The following NCAM2 variants were observed in gnomAD, a reference collection of about 807,000 sequenced individuals.
NCAM2 encodes neural cell adhesion molecule 2.
NCAM2 carries 30 observed loss-of-function variants against 98.1 expected under a neutral mutation model. The ratio of observed to expected loss-of-function variants is 0.31; its 90% CI spans 0.23 to 0.41. The LOEUF (loss-of-function observed/expected upper bound fraction) is 0.41, where lower values mean the gene tolerates loss of function less well. NCAM2 is among the 10% of genes least tolerant of loss of function. The pLI, the probability that NCAM2 is intolerant of heterozygous loss-of-function variation, is 1.00. For synonymous variants in NCAM2, 368 were observed against 342.4 expected (o/e 1.07, Z -0.83); for missense variants, 867 against 1,005.8 (o/e 0.86, Z 1.87).
At chr21:21,215,301 T>C (rs1353561200) in intron 1 of NCAM2, among the ~76,000 whole-genome samples, 1 of 152,224 alleles carries the variant, frequency 6.6e-6, no homozygotes, top group Non-Finnish European at 1.5e-5. Context: ...AACACAGTCA[T>C]AGAGATGTTC....
At chr21:21,139,292 A>G (rs930527392) in intron 1 of NCAM2, among the ~76,000 whole-genome samples, 1 of 152,256 alleles carries the variant, frequency 6.6e-6, no homozygotes, top group Non-Finnish European at 1.5e-5. Flanking sequence ...CTAAAGCTTC[A>G]GAGGGAATGT....
chr21:21,417,958 A>G (rs2077026767), intron 10 of NCAM2, among the ~76,000 whole-genome samples: 3 of 152,074 alleles, frequency 2.0e-5, no homozygotes, highest in African/African-American at 7.2e-5. Context: ...GGAGAGAAAT[A>G]TCACATATCT....
Position 21,355,815 on chromosome 21 carries a change from G to A in NCAM2, c.1044+17281G>A, listed in dbSNP as rs187703295. Reference sequence around the variant, plus strand: ...ATGTTTAGTAGAGACCAGCATGTTGGCCAGGCTGGTCTTGAACTCCTGACC... The same window carrying A: ...ATGTTTAGTAGAGACCAGCATGTTGACCAGGCTGGTCTTGAACTCCTGACC... On this transcript the variant is annotated intron_variant, in intron 8 of 17. Coordinates refer to ENST00000400546, the MANE Select transcript of NCAM2 (RefSeq NM_004540.5). 4.6e-5 allele frequency among the ~76,000 whole-genome samples: 7 copies of A among 151,850 alleles called. No individual in the cohort carries two copies. The East Asian group carries it at 1.4e-3, about 30-fold the overall frequency.
intron 1 of NCAM2, among the ~76,000 whole-genome samples, chr21:21,214,824 GTATA>G (rs904131226): frequency 2.8e-5 from 4 of 143,516 alleles, no homozygotes; most frequent in Non-Finnish European, 6.1e-5. Flanking sequence ...TCGAATATAT[GTATA>G]TATATGTGTA....
intron 8 of NCAM2, among the ~76,000 whole-genome samples, chr21:21,352,818 T>C (rs2075378137): frequency 7.2e-6 from 1 of 138,670 alleles, no homozygotes; most frequent in African/African-American, 2.6e-5. Flanking sequence ...AAAAAAAGAT[T>C]AGAAAATTAA....
rs142614118 is a variant in NCAM2, at chr21:21,127,850, A to G, written c.55+129232A>G. 2.4e-4 allele frequency among the ~76,000 whole-genome samples: 37 copies of G among 152,192 alleles called. No homozygotes were observed. The East Asian group carries it at 6.8e-3, about 28-fold the overall frequency. On this transcript the variant is annotated intron_variant, in intron 1 of 17. Coordinates refer to ENST00000400546, the MANE Select transcript of NCAM2 (RefSeq NM_004540.5). Reference sequence around the variant, plus strand: ...CGTATATACACAAACTATTTTTTCTATATTTATGTCTCTAAATATATACAT... The same window carrying G: ...CGTATATACACAAACTATTTTTTCTGTATTTATGTCTCTAAATATATACAT...
intron 1 of NCAM2, among the ~76,000 whole-genome samples, chr21:21,218,353 GC>G (rs1427562479): frequency 6.6e-6 from 1 of 152,044 alleles, no homozygotes; most frequent in East Asian, 1.9e-4. Flanking sequence ...CTCTCAGAAA[GC>G]TCTGTTGGTG....
intron 12 of NCAM2, among the ~76,000 whole-genome samples, chr21:21,441,113 G>T (rs1979198354): frequency 6.6e-6 from 1 of 152,264 alleles, no homozygotes; most frequent in East Asian, 1.9e-4. Context: ...AATTCTGGAA[G>T]TGTTTCTGCT....
Position 21,473,312 on chromosome 21 carries a change from A to AT in NCAM2, c.1897-3979_1897-3978insT, listed in dbSNP as rs60150566. Among the ~76,000 whole-genome samples, 45 of 137,408 alleles carry AT rather than the reference A, an allele frequency of 3.3e-4. No individual in the cohort carries two copies. In the South Asian group the frequency reaches 4.0e-3, roughly 12 times the overall value. The allele number at this position is 137,408 out of a possible 152,430, so 90.1% of individuals were successfully genotyped here. On this transcript the variant is annotated intron_variant, in intron 14 of 17. Coordinates refer to ENST00000400546, the MANE Select transcript of NCAM2 (RefSeq NM_004540.5). The stretch of plus-strand genomic sequence containing the variant: ...ATATGGTCTATCTGTATATATATAT[A>AT]AAAATATATGCTTGTGTGTATATAT...
chr21:21,331,517 C>CTCTCTCTATA (rs1483062198), intron 6 of NCAM2, among the ~76,000 whole-genome samples: 1 of 6,938 alleles, frequency 1.4e-4, no homozygotes, highest in Non-Finnish European at 2.6e-4. Flanking sequence ...CTCTCTCTCT[C>CTCTCTCTATA]TATATATATA....
intron 1 of NCAM2, among the ~76,000 whole-genome samples, chr21:21,234,519 G>C (rs558574762): frequency 1.3e-5 from 2 of 152,026 alleles, no homozygotes; most frequent in Admixed American, 6.6e-5. Context: ...TTAAGAGAGT[G>C]TTGAAGTATC....
At chr21:21,033,567 C>T (rs1206246017) in intron 1 of NCAM2, among the ~76,000 whole-genome samples, 2 of 151,906 alleles carry the variant, frequency 1.3e-5, no homozygotes, top group Non-Finnish European at 2.9e-5. Flanking sequence ...ATGACCTCCC[C>T]CCCAAAACAA....
In NCAM2 at chr21:21,384,264, T is replaced by C. The variant is rs142026791; in HGVS notation, c.1195+10251T>C. On this transcript the variant is annotated intron_variant, in intron 9 of 17. Transcript: ENST00000400546. Reference sequence around the variant, plus strand: ...AATTCTCAAATTTTGTCATGGATTATATTTACATATTTTATTTTATTTTTT... The same window carrying C: ...AATTCTCAAATTTTGTCATGGATTACATTTACATATTTTATTTTATTTTTT... Among the ~76,000 whole-genome samples, 1,188 of 152,010 alleles carry C rather than the reference T, an allele frequency of 7.8e-3. 15 individuals are homozygous for C. Among genetic ancestry groups the C allele is most frequent in the African/African-American group, 0.027 (1,140 of 41,542 alleles).
chr21:21,454,924 T>C (rs749001834), intron 12 of NCAM2, among the ~76,000 whole-genome samples: 1 of 151,990 alleles, frequency 6.6e-6, no homozygotes, highest in South Asian at 2.1e-4. Context: ...AGCAGGTGGT[T>C]AGTACCATTA....
intron 12 of NCAM2, among the ~76,000 whole-genome samples, chr21:21,451,782 T>A (rs1471600500): frequency 6.6e-6 from 1 of 152,144 alleles, no homozygotes; most frequent in African/African-American, 2.4e-5. Context: ...ATGGGCTTCA[T>A]GACGCTGCTT....
chr21:21,055,797 C>G (rs751671003), intron 1 of NCAM2, among the ~76,000 whole-genome samples: 19 of 152,038 alleles, frequency 1.2e-4, no homozygotes, highest in Non-Finnish European at 1.2e-4. Flanking sequence ...TTTGTAAAAT[C>G]AGTAATAATC....
intron 12 of NCAM2, among the ~76,000 whole-genome samples, chr21:21,441,497 T>A (rs73214492): frequency 0.14 from 21,087 of 152,182 alleles, 1,479 homozygotes; most frequent in East Asian, 0.17. Context: ...TTGGACTATA[T>A]CAATGAATGA....
At chr21:21,532,757 C>A (rs1236743092) in intron 16 of NCAM2, among the ~76,000 whole-genome samples, 1 of 152,032 alleles carries the variant, frequency 6.6e-6, no homozygotes, top group Non-Finnish European at 1.5e-5. Context: ...TTAAAAGAAT[C>A]AATTGAAGAA....
chr21:21,261,018 C>G (rs1190780952), intron 1 of NCAM2, among the ~76,000 whole-genome samples: 1 of 151,506 alleles, frequency 6.6e-6, no homozygotes, highest in Non-Finnish European at 1.5e-5. Flanking sequence ...AGTTATGTCA[C>G]ACAAATGTAA....
Sources: allele counts gnomAD v4.1 joint callset (sites outside exome capture counted in the v4.1 genomes callset), GRCh38; gene constraint gnomAD v4.1.1; transcripts MANE v1.5; gene names NCBI Gene and HGNC (gene_info 2026-07-23, HGNC 2026-07-21).